Variants in MAML3 observed in about 807,000 individuals in gnomAD.
The protein encoded by MAML3 is mastermind-like protein 3.
In MAML3, 27 loss-of-function variants were observed where a neutral mutation model predicts 101.9. The observed-to-expected ratio is 0.27, with a 90% CI of 0.20 to 0.37. MAML3 has a LOEUF of 0.37. Ranked by LOEUF, MAML3 falls within the 10% of genes least tolerant of loss-of-function variation. The probability of loss-of-function intolerance (pLI) is 1.00; values close to 1 mark genes in which losing one functional copy is unlikely to be tolerated. For missense variants in MAML3, 1,316 were observed against 1,444.9 expected, an observed-to-expected ratio of 0.91 and a Z score of 1.45; for synonymous variants, 501 against 555.9, an observed-to-expected ratio of 0.90 and a Z score of 1.39.
At chr4:139,810,002 G>A (rs1317996945) in intron 2 of MAML3, among the ~76,000 whole-genome samples, 1 of 151,924 alleles carries the variant, frequency 6.6e-6, no homozygotes, top group African/African-American at 2.4e-5. Flanking sequence ...GTAAAGAGAG[G>A]TTGTGGGTGG....
intron 4 of MAML3, 33 bp downstream of exon 4, chr4:139,725,718 G>A (rs1481189574): frequency 1.3e-6 from 2 of 1,595,894 alleles, no homozygotes. Context: ...ACCACTGGAA[G>A]GTATAAAATG....
intron 1 of MAML3, among the ~76,000 whole-genome samples, chr4:140,132,720 A>G (rs992309530): frequency 4.6e-5 from 7 of 152,152 alleles, no homozygotes; most frequent in African/African-American, 1.4e-4. Flanking sequence ...CCCTGAAAAC[A>G]TTTGTTCACT....
intron 1 of MAML3, among the ~76,000 whole-genome samples, chr4:139,929,173 C>T (rs1733328963): frequency 6.6e-6 from 1 of 152,134 alleles, no homozygotes; most frequent in South Asian, 2.1e-4. Flanking sequence ...TTTCAGTGCT[C>T]TGTTGTGAGT....
chr4:139,984,103 T>A lies in MAML3; in HGVS notation c.469-93136A>T, dbSNP rs369805379. Among the ~76,000 whole-genome samples, 134 of 151,858 alleles carry A rather than the reference T, an allele frequency of 8.8e-4. 1 individual carries two copies. Among genetic ancestry groups the A allele is most frequent in the African/African-American group, 3.2e-3 (132 of 41,400 alleles). On this transcript the variant is annotated intron_variant, in intron 1 of 4. Coordinates refer to ENST00000509479, the MANE Select transcript of MAML3 (RefSeq NM_018717.5). Reference sequence around the variant, plus strand: ...CGGTGGGGTCCACAGATGGGATGAGTTTTGATAAAGTCAGGAAGTGGGGGC... The same window carrying A: ...CGGTGGGGTCCACAGATGGGATGAGATTTGATAAAGTCAGGAAGTGGGGGC...
chr4:140,069,466 A>G (rs1184574220), intron 1 of MAML3, among the ~76,000 whole-genome samples: 1 of 99,770 alleles, frequency 1.0e-5, no homozygotes, highest in Non-Finnish European at 2.0e-5. Context: ...GAGAAGGAGA[A>G]GGAGAAAGGA....
intron 2 of MAML3, among the ~76,000 whole-genome samples, chr4:139,882,954 T>G (rs1239302454): frequency 6.6e-6 from 1 of 152,222 alleles, no homozygotes; most frequent in South Asian, 2.1e-4. Flanking sequence ...TCTCAAAAAT[T>G]GGTTCCATAG....
At chr4:140,011,749 C>T (rs1726568160) in intron 1 of MAML3, among the ~76,000 whole-genome samples, 1 of 152,140 alleles carries the variant, frequency 6.6e-6, no homozygotes, top group Non-Finnish European at 1.5e-5. Flanking sequence ...AACCTCTCTG[C>T]CTGTTTGTGC....
chr4:140,044,683 C>T (rs192887941), intron 1 of MAML3, among the ~76,000 whole-genome samples: 11 of 152,292 alleles, frequency 7.2e-5, no homozygotes, highest in Non-Finnish European at 1.2e-4. Context: ...ATCTATACAA[C>T]GCCTCAGCAG....
At chr4:140,106,916 G>T (rs1167007348) in intron 1 of MAML3, among the ~76,000 whole-genome samples, 1 of 152,174 alleles carries the variant, frequency 6.6e-6, no homozygotes, top group African/African-American at 2.4e-5. Context: ...TGTCGCCCAG[G>T]CTTGAGTGCA....
At chr4:139,869,129 T>C (rs1403335168) in intron 2 of MAML3, among the ~76,000 whole-genome samples, 2 of 152,198 alleles carry the variant, frequency 1.3e-5, no homozygotes, top group Non-Finnish European at 2.9e-5. Flanking sequence ...AAAGAGAAGA[T>C]AGATTGACAA....
intron 1 of MAML3, chr4:140,134,216 CG>C: frequency 2.2e-6 from 1 of 456,518 alleles, no homozygotes; most frequent in Admixed American, 2.3e-5. Flanking sequence ...TTAGGAAGTA[CG>C]GGGAAAGTAA....
At chr4:139,966,420 T>C (rs1032058950) in intron 1 of MAML3, among the ~76,000 whole-genome samples, 2 of 152,166 alleles carry the variant, frequency 1.3e-5, no homozygotes, top group African/African-American at 2.4e-5. Context: ...GGATTTTTCA[T>C]GTTAGAAAAA....
chr4:139,961,458 G>T (rs1161788094), intron 1 of MAML3, among the ~76,000 whole-genome samples: 8 of 152,164 alleles, frequency 5.3e-5, no homozygotes, highest in Non-Finnish European at 1.0e-4. Flanking sequence ...GAAACAGAAT[G>T]GGGGAGGACC....
chr4:139,878,198 T>C (rs755734814), intron 2 of MAML3, among the ~76,000 whole-genome samples: 2 of 152,180 alleles, frequency 1.3e-5, no homozygotes, highest in Non-Finnish European at 2.9e-5. Context: ...GATGCCTTTC[T>C]ACCCACCCTC....
chr4:139,975,170 A>G (rs1206016189), intron 1 of MAML3, among the ~76,000 whole-genome samples: 2 of 152,120 alleles, frequency 1.3e-5, no homozygotes, highest in African/African-American at 2.4e-5. Context: ...GCTTTGCAGC[A>G]TCTGCTTCTT....
At chr4:139,864,674 C>CAAAAAAAAAAAAAAAAAAAAA (rs70943450) in intron 2 of MAML3, among the ~76,000 whole-genome samples, 1 of 69,502 alleles carries the variant, frequency 1.4e-5, no homozygotes, top group Non-Finnish European at 2.4e-5. Flanking sequence ...GGCTCCGTCT[C>CAAAAAAAAAAAAAAAAAAAAA]AAAAAAAAAA....
chr4:139,761,200 T>C (rs1729750872), intron 2 of MAML3, among the ~76,000 whole-genome samples: 1 of 152,224 alleles, frequency 6.6e-6, no homozygotes, highest in East Asian at 1.9e-4. Flanking sequence ...CCTCAGGTGA[T>C]CTGCCTGCCT....
chr4:139,917,062 C>T (rs1733042630), intron 1 of MAML3, among the ~76,000 whole-genome samples: 1 of 152,056 alleles, frequency 6.6e-6, no homozygotes, highest in Non-Finnish European at 1.5e-5. Context: ...AAACTGTATG[C>T]AGAATTTTGT....
At chr4:139,855,867 T>C (rs795969) in intron 2 of MAML3, among the ~76,000 whole-genome samples, 118,989 of 152,188 alleles carry the variant, frequency 0.78, 46,723 homozygotes, top group South Asian at 0.83. Context: ...CACTCTATGC[T>C]TCCTAATAAA....
Sources: allele counts gnomAD v4.1 joint callset (sites outside exome capture counted in the v4.1 genomes callset), GRCh38; gene constraint gnomAD v4.1.1; transcripts MANE v1.5; gene names NCBI Gene and HGNC (gene_info 2026-07-23, HGNC 2026-07-21).